Variants in CNBD1 observed in about 807,000 individuals in gnomAD.
CNBD1 encodes cyclic nucleotide-binding domain-containing protein 1.
CNBD1 carries 71 observed loss-of-function variants against 54.4 expected under a neutral mutation model. The ratio of observed to expected loss-of-function variants is 1.30; its 90% CI spans 1.08 to 1.59. The LOEUF (loss-of-function observed/expected upper bound fraction) is 1.59. Ranked by LOEUF, CNBD1 falls within the 40% of genes most tolerant of loss-of-function variation. The pLI, the probability that CNBD1 is intolerant of heterozygous loss-of-function variation, is 0.00. For missense variants in CNBD1, 659 were observed against 518.0 expected (o/e 1.27, Z -2.64); for synonymous variants, 182 against 170.7 (o/e 1.07, Z -0.51).
chr8:87,338,752 C>A (rs1337701582), intron 8 of CNBD1, among the ~76,000 whole-genome samples: 1 of 151,390 alleles, frequency 6.6e-6, no homozygotes, highest in Admixed American at 6.6e-5. Flanking sequence ...GTGGTTTGAT[C>A]TTTGACGTTC....
intron 4 of CNBD1, among the ~76,000 whole-genome samples, chr8:87,120,355 G>C (rs563169861): frequency 8.6e-5 from 13 of 152,020 alleles, no homozygotes; most frequent in Admixed American, 7.9e-4. Context: ...CATTTTGTCA[G>C]TGTATAGTTG....
Position 87,046,740 on chromosome 8 carries a change from C to T in CNBD1, c.431+106986C>T, listed in dbSNP as rs558727349. ...TTATGGTGCCATTTGGGACTCTACA[C>T]ACTAGGTGGGAAGGATCCTGCTGAC... On this transcript the variant is annotated intron_variant, in intron 4 of 10. Coordinates refer to ENST00000518476, the MANE Select transcript of CNBD1 (RefSeq NM_173538.3). Among the ~76,000 whole-genome samples the T allele has an allele frequency of 2.8e-4, 43 of 152,284 alleles. No homozygotes were observed. The South Asian group carries it at 8.1e-3, about 29-fold the overall frequency.
chr8:87,241,683 A>T (rs13250631), intron 6 of CNBD1, among the ~76,000 whole-genome samples: 5 of 151,946 alleles, frequency 3.3e-5, no homozygotes, highest in African/African-American at 7.3e-5. Flanking sequence ...GAGATTACAA[A>T]GGCAGGGAAT....
chr8:87,286,391 G>A (rs1465634928), intron 7 of CNBD1, 148 bp from the exon 8 acceptor site: 4 of 551,052 alleles, frequency 7.3e-6, no homozygotes, highest in Non-Finnish European at 6.4e-6. Context: ...TGGCCATAGA[G>A]TGATGCTCAG....
intron 3 of CNBD1, among the ~76,000 whole-genome samples, chr8:86,938,491 C>T (rs113975944): frequency 1.8e-4 from 28 of 152,296 alleles, no homozygotes; most frequent in African/African-American, 5.8e-4. Flanking sequence ...CTCACAGTTC[C>T]ACATGGCTGG....
intron 2 of CNBD1, among the ~76,000 whole-genome samples, chr8:87,389,456 A>T (rs1811263165): frequency 6.6e-6 from 1 of 152,184 alleles, no homozygotes; most frequent in African/African-American, 2.4e-5. Flanking sequence ...ATACACCAAT[A>T]ACAGACAAAC....
chr8:87,375,569 G>T (rs548895493), intron 10 of CNBD1, among the ~76,000 whole-genome samples: 1 of 151,876 alleles, frequency 6.6e-6, no homozygotes, highest in Admixed American at 6.6e-5. Context: ...GTATCACACA[G>T]ATTCTATTTT....
chr8:87,419,675 G>T (rs2130991756), intron 2 of CNBD1, among the ~76,000 whole-genome samples: 1 of 151,960 alleles, frequency 6.6e-6, no homozygotes, highest in South Asian at 2.1e-4. Context: ...TCTTCACAAT[G>T]TGAAATAGAG....
chr8:87,424,580 G>A (rs184428038), intron 2 of CNBD1, among the ~76,000 whole-genome samples: 32 of 152,186 alleles, frequency 2.1e-4, no homozygotes, highest in South Asian at 8.3e-4. Context: ...ATGTAGTTGC[G>A]CGTTTTTGCT....
At chr8:87,397,071 C>A (rs1473657959) in intron 2 of CNBD1, among the ~76,000 whole-genome samples, 2 of 151,748 alleles carry the variant, frequency 1.3e-5, no homozygotes, top group African/African-American at 2.4e-5. Flanking sequence ...TGATCTATCT[C>A]TAGACTCTTG....
rs1809006892 is a variant in CNBD1 at position 86,905,676 on chromosome 8, T to A, written c.272+482T>A. On this transcript the variant is annotated intron_variant, in intron 3 of 10. Coordinates refer to ENST00000518476, the MANE Select transcript of CNBD1 (RefSeq NM_173538.3). The stretch of plus-strand genomic sequence containing the variant: ...ACATTTAGATGTGCTTTATGTATTT[T>A]TAAAGTCAAAGAATGAGATTACTTA... 1.3e-5 allele frequency among the ~76,000 whole-genome samples: 2 copies of A among 152,134 alleles called. 1 individual carries two copies. The highest frequency in any genetic ancestry group is 4.1e-4 in the South Asian group (2 of 4,824).
chr8:87,133,402 T>G (rs1224073600), intron 4 of CNBD1, among the ~76,000 whole-genome samples: 1 of 152,214 alleles, frequency 6.6e-6, no homozygotes, highest in African/African-American at 2.4e-5. Flanking sequence ...AAACTCCATC[T>G]TTCCTGTAGT....
At chr8:86,931,566 C>G (rs1809458910) in intron 3 of CNBD1, among the ~76,000 whole-genome samples, 1 of 152,134 alleles carries the variant, frequency 6.6e-6, no homozygotes, top group Admixed American at 6.5e-5. Context: ...TTCTGAACCA[C>G]AAAGGTTTGT....
At chr8:87,375,126 A>G (rs1810900195) in intron 10 of CNBD1, among the ~76,000 whole-genome samples, 1 of 151,932 alleles carries the variant, frequency 6.6e-6, no homozygotes, top group East Asian at 1.9e-4. Flanking sequence ...GATATACACT[A>G]TTGCATCTAA....
At chr8:87,090,738 C>T (rs534764714) in intron 4 of CNBD1, among the ~76,000 whole-genome samples, 2 of 152,218 alleles carry the variant, frequency 1.3e-5, no homozygotes, top group South Asian at 4.2e-4. Context: ...GAGTTTGTTA[C>T]ATATTTTTAA....
intron 4 of CNBD1, among the ~76,000 whole-genome samples, chr8:87,017,628 A>T (rs2130571040): frequency 6.6e-6 from 1 of 152,356 alleles, no homozygotes; most frequent in Non-Finnish European, 1.5e-5. Flanking sequence ...GCTAAACTCC[A>T]GTGCCTAATA....
intron 4 of CNBD1, among the ~76,000 whole-genome samples, chr8:87,021,586 G>A (rs1809489484): frequency 6.6e-6 from 1 of 152,200 alleles, no homozygotes. Flanking sequence ...TATGGACTAA[G>A]TGCCTCCAAG....
At chr8:86,925,367 A>C (rs969398744) in intron 3 of CNBD1, among the ~76,000 whole-genome samples, 10 of 152,092 alleles carry the variant, frequency 6.6e-5, no homozygotes, top group Non-Finnish European at 1.2e-4. Flanking sequence ...GGCTCACTTC[A>C]GTTTTTATTT....
At chr8:87,133,246 C>T (rs1170930595) in intron 4 of CNBD1, among the ~76,000 whole-genome samples, 1 of 152,036 alleles carries the variant, frequency 6.6e-6, no homozygotes, top group Non-Finnish European at 1.5e-5. Context: ...ATCTTAGTTT[C>T]AATGTATGTT....
Sources: allele counts gnomAD v4.1 joint callset (sites outside exome capture counted in the v4.1 genomes callset), GRCh38; gene constraint gnomAD v4.1.1; transcripts MANE v1.5; gene names NCBI Gene and HGNC (gene_info 2026-07-23, HGNC 2026-07-21).